ZNF57: variants seen among roughly 807,000 people sequenced by gnomAD.
ZNF57 encodes zinc finger protein 424.
In ZNF57, 11 loss-of-function variants were observed where a neutral mutation model predicts 13.4. That is an observed-to-expected ratio of 0.82 (90% CI 0.52 to 1.36). The LOEUF is 1.36. ZNF57 is among the 40% of genes most tolerant of loss of function. The pLI, the probability that ZNF57 is intolerant of heterozygous loss-of-function variation, is 0.00. For synonymous variants in ZNF57, 224 were observed against 238.5 expected (o/e 0.94, Z 0.56); for missense variants, 696 against 667.5 (o/e 1.04, Z -0.47).
chr19:2,901,666 G>A (rs117446782), intron 1 of ZNF57, among the ~76,000 whole-genome samples: 2,205 of 152,058 alleles, frequency 0.015, 25 homozygotes, highest in Non-Finnish European at 0.024. Flanking sequence ...GATTACAGGC[G>A]CCCGCCCTCA....
intron 1 of ZNF57, among the ~76,000 whole-genome samples, chr19:2,908,974 C>G (rs770847821): frequency 4.6e-5 from 7 of 151,778 alleles, no homozygotes; most frequent in African/African-American, 9.7e-5. Flanking sequence ...GTGTTCTTTT[C>G]TGACGGCTTC....
intron 1 of ZNF57, among the ~76,000 whole-genome samples, chr19:2,908,754 G>C (rs572447427): frequency 7.2e-5 from 11 of 152,024 alleles, no homozygotes; most frequent in African/African-American, 2.7e-4. Context: ...GTCAACTTGA[G>C]GACATTTCCA....
At chr19:2,910,544 G>T (rs12973259) in intron 1 of ZNF57, among the ~76,000 whole-genome samples, 43,725 of 74,388 alleles carry the variant, frequency 0.59, 18,477 homozygotes, top group Non-Finnish European at 0.73. Flanking sequence ...CACTGCAAGC[G>T]CCGCCTCCTG....
At chr19:2,903,885 T>A (rs1020833334) in intron 1 of ZNF57, among the ~76,000 whole-genome samples, 4 of 151,962 alleles carry the variant, frequency 2.6e-5, no homozygotes, top group Non-Finnish European at 5.9e-5. Flanking sequence ...CCGGCTAATT[T>A]TTTGTATTTT....
At chr19:2,901,332 G>A (rs1348330411) in intron 1 of ZNF57, among the ~76,000 whole-genome samples, 1 of 142,062 alleles carries the variant, frequency 7.0e-6, no homozygotes, top group African/African-American at 2.6e-5. Flanking sequence ...GGCGGTCAGG[G>A]GTCAGGGACC....
Position 2,909,429 on chromosome 19 carries a change from C to T in ZNF57, c.4-6093C>T, listed in dbSNP as rs1217034072. Among the ~76,000 whole-genome samples the T allele has an allele frequency of 2.9e-4, 17 of 59,042 alleles. 6 individuals carry two copies. The highest frequency in any genetic ancestry group is 6.1e-4 in the Non-Finnish European group (13 of 21,248). 38.7% of individuals were successfully genotyped at this position (59,042 alleles called of 152,430 possible). ...CCGAGTAGCTGGGACTACAGGCGCC[C>T]GACACCACGCCCGGCTAATTTTTTG... is the stretch of plus-strand genomic sequence containing the variant. On this transcript the variant is annotated intron_variant, in intron 1 of 3. Transcript: ENST00000306908.
chr19:2,916,832 G>A, intron 3 of ZNF57, 92 bp from the exon 4 acceptor site: 1 of 1,141,508 alleles, frequency 8.8e-7, no homozygotes, highest in Non-Finnish European at 1.2e-6. Context: ...ATACTGAAAT[G>A]TAGTTAGACA....
chr19:2,915,930 G>A, intron 2 of ZNF57, 148 bp from the exon 3 acceptor site: 1 of 975,254 alleles, frequency 1.0e-6, no homozygotes. Flanking sequence ...TTTGATACCT[G>A]TGACTTACTG....
At position 2,905,405 on chromosome 19, in the gene ZNF57, T is replaced by TCC. The variant is rs140126572; in HGVS notation, c.3+4358_3+4359insCC. The stretch of plus-strand genomic sequence containing the variant: ...GTCTCGAACTCTTGACTTCAGGTGA[T>TCC]CGCCCCCCCCCCCTCGGCATTCCAA... On this transcript the variant is annotated intron_variant, in intron 1 of 3. Coordinates refer to ENST00000306908, the MANE Select transcript of ZNF57 (RefSeq NM_173480.3). 1.1e-3 allele frequency among the ~76,000 whole-genome samples: 52 copies of TCC among 47,552 alleles called. 17 individuals carry two copies. The highest frequency in any genetic ancestry group is 3.3e-3 in the Admixed American group (13 of 3,968). 31.2% of individuals were successfully genotyped at this position (47,552 alleles called of 152,430 possible). A position where few individuals can be genotyped will look rare whatever the true frequency, so the allele number is the denominator to read the frequency against.
At chr19:2,908,857 C>T (rs2088102427) in intron 1 of ZNF57, among the ~76,000 whole-genome samples, 1 of 152,138 alleles carries the variant, frequency 6.6e-6, no homozygotes, top group South Asian at 2.1e-4. Flanking sequence ...TCATCTGCCT[C>T]TGTCTCTAGA....
chr19:2,902,443 G>A (rs997978246), intron 1 of ZNF57, among the ~76,000 whole-genome samples: 3 of 152,136 alleles, frequency 2.0e-5, no homozygotes. Flanking sequence ...GCTAAGCATG[G>A]CCTAAGGAAG....
rs2088217233 is a variant in ZNF57, at chr19:2,917,497, C to T, written c.876C>T (p.Pro292=). 1 of 1,613,706 alleles carries T rather than the reference C, an allele frequency of 6.2e-7. No homozygotes were observed. Among genetic ancestry groups the T allele is most frequent in the South Asian group, 1.1e-5 (1 of 91,010 alleles). The change falls in exon 4 of 4, where the codon CCC becomes CCT. Residue 292 remains proline, a synonymous_variant. Transcript: ENST00000306908. ...ACTGTGGGAAAGCCTTCACTTACCC[C>T]CAGGCTTTTCAAAGACATGAGAAGA... ...CQHCGKAFTY[P]QAFQRHEKTH... is the part of the protein sequence containing the mutation.
intron 1 of ZNF57, among the ~76,000 whole-genome samples, chr19:2,901,949 G>A (rs1399819027): frequency 6.6e-6 from 1 of 152,060 alleles, no homozygotes; most frequent in Non-Finnish European, 1.5e-5. Flanking sequence ...AAGGGCTTGG[G>A]GGATGTATTG....
At chr19:2,906,285 C>T (rs538911807) in intron 1 of ZNF57, among the ~76,000 whole-genome samples, 2 of 152,290 alleles carry the variant, frequency 1.3e-5, no homozygotes, top group South Asian at 2.1e-4. Flanking sequence ...AATTCCTGGG[C>T]TCAAGCGATC....
intron 1 of ZNF57, among the ~76,000 whole-genome samples, chr19:2,908,347 T>C (rs1386157082): frequency 6.6e-6 from 1 of 152,190 alleles, no homozygotes; most frequent in Non-Finnish European, 1.5e-5. Context: ...TATCATGTTT[T>C]TGAGGAAGAC....
intron 1 of ZNF57, among the ~76,000 whole-genome samples, chr19:2,903,596 T>TCCCAGCGCTCATCTCTGTTCTGCC (rs1372569567): frequency 2.6e-5 from 4 of 152,134 alleles, no homozygotes; most frequent in Admixed American, 2.6e-4. Flanking sequence ...TGTGTGCTGC[T>TCCCAGCGCTCATCTCTGTTCTGCC]CCCAGCGCTC....
Position 2,916,243 on chromosome 19 carries a change from A to G in ZNF57, c.296A>G (p.Asn99Ser), listed in dbSNP as rs1290447908. 6.2e-7 allele frequency: 1 copy of G among 1,605,332 alleles called. No homozygotes were observed. The highest frequency in any genetic ancestry group is 8.5e-7 in the Non-Finnish European group (1 of 1,176,550). Residue 99 changes from asparagine to serine, a missense_variant, in exon 3 of 4, where the codon AAT (asparagine) becomes AGT (serine). Physicochemically the swap from Asn to Ser is conservative, Grantham distance 46 (BLOSUM62 1). Transcript: ENST00000306908. ...TATGGCACTGAAGACCACCACAAAA[A>G]TCTGAGGTGAGTTGCACTCACAAGA... The part of the protein sequence containing the change: ...EGYGTEDHHK[N>S]LRNHMVDRFC...
At chr19:2,905,535 C>T (rs999028868) in intron 1 of ZNF57, among the ~76,000 whole-genome samples, 16 of 150,228 alleles carry the variant, frequency 1.1e-4, no homozygotes, top group Non-Finnish European at 1.0e-4. Context: ...CCGGCGGAGG[C>T]GGGCGGATCA....
chr19:2,914,243 T>A (rs897747415), intron 1 of ZNF57, among the ~76,000 whole-genome samples: 5 of 152,174 alleles, frequency 3.3e-5, no homozygotes, highest in Non-Finnish European at 7.3e-5. Context: ...ATTATCCATT[T>A]CTTTTATTTT....
Sources: gnomAD v4.1 joint callset for allele counts (sites outside exome capture counted in the v4.1 genomes callset) on GRCh38, gnomAD v4.1.1 for gene constraint, MANE v1.5 for transcripts, NCBI Gene and HGNC (gene_info 2026-07-23, HGNC 2026-07-21) for gene names.